The following SIK3 variants were observed in gnomAD, a reference collection of about 807,000 sequenced individuals.
The protein encoded by SIK3 is serine/threonine-protein kinase SIK3.
SIK3 carries 28 observed loss-of-function variants against 144.2 expected under a neutral mutation model. The ratio of observed to expected loss-of-function variants is 0.19; its 90% CI spans 0.14 to 0.27. The LOEUF is 0.27. SIK3 is among the 10% of genes least tolerant of loss of function. The pLI, the probability that SIK3 is intolerant of heterozygous loss-of-function variation, is 1.00. For missense variants in SIK3, 1,319 were observed against 1,776.0 expected (o/e 0.74, Z 4.62); for synonymous variants, 686 against 676.3 (o/e 1.01, Z -0.22).
chr11:117,036,658 A>G (rs926705624), intron 1 of SIK3, among the ~76,000 whole-genome samples: 1 of 152,256 alleles, frequency 6.6e-6, no homozygotes, highest in Non-Finnish European at 1.5e-5. Flanking sequence ...TTGTGTTAAC[A>G]TATCGTTAAT....
At position 116,859,468 on chromosome 11, in the gene SIK3, C is replaced by T. The variant is rs1189938715; in HGVS notation, c.2562G>A (p.Gln854=). The change falls in exon 20 of 25, where the codon CAG becomes CAA. Residue 854 remains glutamine, a synonymous_variant. Coordinates refer to ENST00000445177, the MANE Select transcript of SIK3 (RefSeq NM_001366686.3). ...LGMQQPAQSQ[Q]VTIQVQEPVD... is the part of the protein sequence containing the mutation. ...CAGGCTCTTGGACTTGGATGGTGAC[C>T]TGCTGTGACTGAGCAGGCTGCTGCA... 1.9e-6 allele frequency: 3 copies of T among 1,614,194 alleles called. No individual in the cohort carries two copies. The highest frequency in any genetic ancestry group is 1.7e-5 in the Admixed American group (1 of 60,014).
At chr11:117,073,145 G>T (rs1591653461) in intron 1 of SIK3, among the ~76,000 whole-genome samples, 1 of 152,150 alleles carries the variant, frequency 6.6e-6, no homozygotes, top group Non-Finnish European at 1.5e-5. Context: ...AACCTAATGA[G>T]GGAAGGGAGC....
At position 116,844,128 on chromosome 11, in the gene SIK3, T is replaced by C. The variant is rs1941734422; in HGVS notation, c.*1515A>G. On this transcript the variant is annotated 3_prime_UTR_variant, in exon 25 of 25. Transcript: ENST00000445177. ...TCTTGTTTTGAAGATCAGAAGGAGATAACCCAGACCCTCTCTCAGCCCCAG... is the reference window on the plus strand; with the variant it reads ...TCTTGTTTTGAAGATCAGAAGGAGACAACCCAGACCCTCTCTCAGCCCCAG... The C allele has an allele frequency of 6.6e-6, 1 of 152,166 alleles. No homozygotes were observed. Among genetic ancestry groups the C allele is most frequent in the African/African-American group, 2.4e-5 (1 of 41,424 alleles). 9.4% of individuals were successfully genotyped at this position (152,166 alleles called of 1,614,324 possible).
chr11:116,885,822 T>C (rs1335332362), intron 6 of SIK3, among the ~76,000 whole-genome samples: 2 of 152,244 alleles, frequency 1.3e-5, no homozygotes, highest in Non-Finnish European at 2.9e-5. Context: ...ATGTGCATCT[T>C]GGGCATGTTA....
chr11:117,051,165 T>C (rs902262520), intron 1 of SIK3, among the ~76,000 whole-genome samples: 1 of 152,206 alleles, frequency 6.6e-6, no homozygotes, highest in South Asian at 2.1e-4. Context: ...CTTCTTGAGC[T>C]GGGATATCCA....
intron 1 of SIK3, among the ~76,000 whole-genome samples, chr11:117,022,164 C>G (rs1378055518): frequency 6.6e-6 from 1 of 151,872 alleles, no homozygotes; most frequent in African/African-American, 2.4e-5. Flanking sequence ...ATGTCAAAAT[C>G]TTTTTATTAT....
At chr11:117,097,976 T>C (rs1239516752) in intron 1 of SIK3, among the ~76,000 whole-genome samples, 167 bp downstream of exon 1, 4 of 151,292 alleles carry the variant, frequency 2.6e-5, no homozygotes, top group African/African-American at 7.3e-5. Context: ...GAGTCCCAGG[T>C]GTCCCTAGCT....
chr11:116,866,011 T>A (rs962625493), intron 15 of SIK3, among the ~76,000 whole-genome samples: 1 of 152,094 alleles, frequency 6.6e-6, no homozygotes, highest in Non-Finnish European at 1.5e-5. Flanking sequence ...AAGGTTCACA[T>A]GAAAACAGAC....
intron 1 of SIK3, among the ~76,000 whole-genome samples, chr11:117,041,048 T>C (rs764247752): frequency 6.6e-5 from 10 of 151,642 alleles, no homozygotes; most frequent in Non-Finnish European, 1.0e-4. Context: ...ATGTTATACA[T>C]TGGATCTCCA....
At chr11:117,039,903 T>C (rs1345239657) in intron 1 of SIK3, among the ~76,000 whole-genome samples, 1 of 152,182 alleles carries the variant, frequency 6.6e-6, no homozygotes, top group Admixed American at 6.6e-5. Flanking sequence ...AAGCCTGGAC[T>C]CACCACTATT....
At chr11:117,010,812 T>C (rs947923725) in intron 1 of SIK3, among the ~76,000 whole-genome samples, 1 of 152,074 alleles carries the variant, frequency 6.6e-6, no homozygotes, top group Non-Finnish European at 1.5e-5. Context: ...ATACTTTAGA[T>C]TGAGAAATGT....
intron 1 of SIK3, among the ~76,000 whole-genome samples, chr11:116,977,129 C>T (rs1433584198): frequency 2.0e-5 from 3 of 152,000 alleles, no homozygotes; most frequent in Non-Finnish European, 2.9e-5. Context: ...CAAATATTTC[C>T]GGATCAGCAG....
At chr11:116,918,923 T>A (rs1489758473) in intron 4 of SIK3, among the ~76,000 whole-genome samples, 1 of 152,170 alleles carries the variant, frequency 6.6e-6, no homozygotes, top group East Asian at 1.9e-4. Flanking sequence ...TAGAGCCGCT[T>A]CTTGGTAATG....
chr11:116,897,377 C>G, intron 4 of SIK3, 60 bp from the exon 5 acceptor site: 5 of 1,458,736 alleles, frequency 3.4e-6, no homozygotes, highest in Non-Finnish European at 4.7e-6. Context: ...ACTGAGCAAA[C>G]ACTAGTCTCT....
chr11:117,023,617 A>AT (rs1194910685), intron 1 of SIK3, among the ~76,000 whole-genome samples: 24 of 109,176 alleles, frequency 2.2e-4, no homozygotes, highest in East Asian at 1.0e-3. Context: ...AACAAAAAAA[A>AT]AAAAATATAT....
chr11:116,870,731 CAAGT>C (rs1943926398), intron 13 of SIK3, among the ~76,000 whole-genome samples: 1 of 152,052 alleles, frequency 6.6e-6, no homozygotes, highest in South Asian at 2.1e-4. Flanking sequence ...AGGATAGAGA[CAAGT>C]AAACAATTAC....
At chr11:117,022,130 G>T (rs1336621519) in intron 1 of SIK3, among the ~76,000 whole-genome samples, 1 of 151,886 alleles carries the variant, frequency 6.6e-6, no homozygotes, top group African/African-American at 2.4e-5. Flanking sequence ...CAGAAACAAA[G>T]ATCTGATCAT....
intron 1 of SIK3, among the ~76,000 whole-genome samples, chr11:117,010,602 C>T (rs1951212115): frequency 6.6e-6 from 1 of 152,102 alleles, no homozygotes; most frequent in Non-Finnish European, 1.5e-5. Flanking sequence ...TGCTCCCAGT[C>T]CCTGCCACCA....
In SIK3 at chr11:116,868,220, A is replaced by G; in HGVS notation, c.1809-131T>C. 6.0e-6 allele frequency: 7 copies of G among 1,165,202 alleles called. No individual in the cohort carries two copies. The Admixed American group carries it at 1.4e-4, about 24-fold the overall frequency. 72.2% of individuals were successfully genotyped at this position (1,165,202 alleles called of 1,614,324 possible). A position where few individuals can be genotyped will look rare whatever the true frequency, so the allele number is the denominator to read the frequency against. ...AGCTCACGAAGGCTTGATGGCAAAC[A>G]GATCCCTGCCTGGATGGAAGTGAGA... On this transcript the variant is annotated intron_variant, in intron 14 of 24. Transcript: ENST00000445177.
Sources: allele counts gnomAD v4.1 joint callset (sites outside exome capture counted in the v4.1 genomes callset), GRCh38; gene constraint gnomAD v4.1.1; transcripts MANE v1.5; gene names NCBI Gene and HGNC (gene_info 2026-07-23, HGNC 2026-07-21).